Variants in MAPK10 observed in about 807,000 individuals in gnomAD.
The protein encoded by MAPK10 is JNK3 alpha protein kinase.
A neutral mutation model predicts 59.3 loss-of-function variants in MAPK10; 25 were observed. The ratio of observed to expected loss-of-function variants is 0.42; its 90% CI spans 0.31 to 0.59. The LOEUF (loss-of-function observed/expected upper bound fraction) is 0.59. MAPK10 is among the 20% of genes least tolerant of loss of function. The pLI is 0.15. For missense variants in MAPK10, 351 were observed against 568.9 expected, an observed-to-expected ratio of 0.62 and a Z score of 3.90; for synonymous variants, 190 against 200.5, an observed-to-expected ratio of 0.95 and a Z score of 0.44.
intron 1 of MAPK10, among the ~76,000 whole-genome samples, chr4:86,491,014 C>G (rs1028682816): frequency 3.9e-5 from 6 of 152,178 alleles, no homozygotes; most frequent in African/African-American, 1.2e-4. Flanking sequence ...CCTCAGTCCT[C>G]AAAACTAGCT....
chr4:86,061,989 C>T (rs1332846893), intron 11 of MAPK10, among the ~76,000 whole-genome samples: 1 of 152,104 alleles, frequency 6.6e-6, no homozygotes, highest in Non-Finnish European at 1.5e-5. Context: ...TGTTCATATG[C>T]AATAACAGAG....
At chr4:86,187,039 A>G (rs955960300) in intron 3 of MAPK10, among the ~76,000 whole-genome samples, 2 of 152,052 alleles carry the variant, frequency 1.3e-5, no homozygotes, top group Non-Finnish European at 2.9e-5. Flanking sequence ...ACTGACTACC[A>G]CCTGTATATT....
At chr4:86,128,192 G>C (rs1283788118) in intron 4 of MAPK10, among the ~76,000 whole-genome samples, 12 of 151,962 alleles carry the variant, frequency 7.9e-5, no homozygotes, top group Admixed American at 7.9e-4. Context: ...AAGCACTTTT[G>C]CTCCCAACTC....
intron 1 of MAPK10, among the ~76,000 whole-genome samples, chr4:86,534,657 G>A (rs779718436): frequency 5.3e-5 from 8 of 152,066 alleles, no homozygotes; most frequent in Non-Finnish European, 1.0e-4. Flanking sequence ...TGTAATCCCA[G>A]CACCTTGGGA....
chr4:86,517,250 C>T (rs1756742607), intron 1 of MAPK10, among the ~76,000 whole-genome samples: 1 of 147,840 alleles, frequency 6.8e-6, no homozygotes, highest in South Asian at 2.2e-4. Context: ...ATGAAACCCA[C>T]TTGAACATGG....
chr4:86,398,262 C>T (rs1743239977), intron 1 of MAPK10, among the ~76,000 whole-genome samples: 1 of 151,844 alleles, frequency 6.6e-6, no homozygotes, highest in Non-Finnish European at 1.5e-5. Context: ...AGAAAAAAGG[C>T]CCAAGGATCT....
chr4:86,344,985 T>G (rs1727272083), intron 2 of MAPK10, among the ~76,000 whole-genome samples: 1 of 152,210 alleles, frequency 6.6e-6, no homozygotes, highest in South Asian at 2.1e-4. Flanking sequence ...ATAGTCAGTT[T>G]GGCTGGCTAT....
intron 1 of MAPK10, among the ~76,000 whole-genome samples, chr4:86,565,984 T>C (rs1157665544): frequency 6.6e-6 from 1 of 152,180 alleles, no homozygotes; most frequent in Non-Finnish European, 1.5e-5. Flanking sequence ...AACTTCTCCA[T>C]TGCCTAGACG....
At chr4:86,096,303 C>A in intron 9 of MAPK10, among the ~76,000 whole-genome samples, 1 of 151,696 alleles carries the variant, frequency 6.6e-6, no homozygotes, top group East Asian at 1.9e-4. Context: ...AGGGGCACCT[C>A]CAAGAGAAAA....
At position 86,266,163 on chromosome 4, in the gene MAPK10, A is replaced by G. The variant is rs189986042; in HGVS notation, c.-6-71756T>C. On this transcript the variant is annotated intron_variant, in intron 2 of 13. Coordinates refer to ENST00000641462, the MANE Select transcript of MAPK10 (RefSeq NM_138982.4). ...TAGGTGTAAGAAACAACAGAGGAAGAGAGGAGGAATATCTGGTAAATGGAG... is the reference window on the plus strand; with the variant it reads ...TAGGTGTAAGAAACAACAGAGGAAGGGAGGAGGAATATCTGGTAAATGGAG... 5.3e-5 allele frequency among the ~76,000 whole-genome samples: 8 copies of G among 152,308 alleles called. No individual in the cohort carries two copies. In the East Asian group the frequency reaches 1.5e-3, roughly 29 times the overall value.
intron 2 of MAPK10, among the ~76,000 whole-genome samples, chr4:86,261,907 G>T (rs1486306622): frequency 6.6e-6 from 1 of 152,258 alleles, no homozygotes; most frequent in Non-Finnish European, 1.5e-5. Context: ...GTGAGGGCTA[G>T]TTCCACAGAA....
chr4:86,378,356 CA>C (rs904252205), intron 1 of MAPK10, among the ~76,000 whole-genome samples: 5 of 152,128 alleles, frequency 3.3e-5, no homozygotes, highest in African/African-American at 7.2e-5. Context: ...TTAACGTGTG[CA>C]TTATTCACAC....
At chr4:86,348,664 C>G (rs1407832964) in intron 2 of MAPK10, among the ~76,000 whole-genome samples, 1 of 152,028 alleles carries the variant, frequency 6.6e-6, no homozygotes, top group East Asian at 1.9e-4. Context: ...TCAAACAGTT[C>G]TTATAATAAA....
At chr4:86,506,374 T>C (rs1257291430) in intron 1 of MAPK10, among the ~76,000 whole-genome samples, 2 of 152,148 alleles carry the variant, frequency 1.3e-5, no homozygotes, top group African/African-American at 4.8e-5. Flanking sequence ...GTTCAAATTG[T>C]ATTTTTGTCA....
intron 9 of MAPK10, among the ~76,000 whole-genome samples, chr4:86,079,261 G>T (rs968175567): frequency 4.6e-5 from 7 of 151,910 alleles, no homozygotes; most frequent in African/African-American, 1.5e-4. Flanking sequence ...TTATAATAAG[G>T]GACATGGAAT....
At chr4:86,206,727 T>A (rs2084125109) in intron 2 of MAPK10, among the ~76,000 whole-genome samples, 1 of 152,204 alleles carries the variant, frequency 6.6e-6, no homozygotes, top group South Asian at 2.1e-4. Flanking sequence ...GACTTTTTAA[T>A]GATCGCCATT....
intron 1 of MAPK10, among the ~76,000 whole-genome samples, chr4:86,359,142 T>C (rs1054074741): frequency 2.0e-5 from 3 of 152,048 alleles, no homozygotes; most frequent in African/African-American, 7.2e-5. Flanking sequence ...CTCACAAAAG[T>C]AAACATAAAT....
chr4:86,074,416 G>C (rs1183840793), intron 9 of MAPK10, among the ~76,000 whole-genome samples: 2 of 151,080 alleles, frequency 1.3e-5, no homozygotes, highest in African/African-American at 4.9e-5. Context: ...ATTGTTATGT[G>C]TGAATTTGAT....
At chr4:86,272,218 T>G (rs2094455148) in intron 2 of MAPK10, among the ~76,000 whole-genome samples, 1 of 152,054 alleles carries the variant, frequency 6.6e-6, no homozygotes, top group African/African-American at 2.4e-5. Context: ...TTTAACGTAT[T>G]CTGAAAACAA....
Sources: gnomAD v4.1 joint callset for allele counts (sites outside exome capture counted in the v4.1 genomes callset) on GRCh38, gnomAD v4.1.1 for gene constraint, MANE v1.5 for transcripts, NCBI Gene and HGNC (gene_info 2026-07-23, HGNC 2026-07-21) for gene names.